SMYD3: variants seen among roughly 807,000 people sequenced by gnomAD.
SMYD3 encodes the protein histone-lysine N-methyltransferase SMYD3.
In SMYD3, 36 loss-of-function variants were observed where a neutral mutation model predicts 57.7. The observed-to-expected ratio is 0.62, with a 90% CI of 0.48 to 0.82. SMYD3 has a LOEUF of 0.82. SMYD3 is among the 40% of genes least tolerant of loss of function. The pLI is 0.00. For synonymous variants in SMYD3, 211 were observed against 195.0 expected (o/e 1.08, Z -0.68); for missense variants, 515 against 538.8 (o/e 0.96, Z 0.44).
chr1:245,792,036 CCT>C lies in SMYD3; in HGVS notation c.1077-27889_1077-27888del, dbSNP rs531621888. ...CTGTTCGATGAAATTTGATTTATGT[CCT>C]CTTTCTGGGCTTACTCTCAAATATA... On this transcript the variant is annotated intron_variant, in intron 10 of 11. Coordinates refer to ENST00000490107, the MANE Select transcript of SMYD3 (RefSeq NM_001167740.2). Among the ~76,000 whole-genome samples the C allele has an allele frequency of 2.5e-3, 381 of 151,060 alleles. 1 individual carries two copies. Among genetic ancestry groups the C allele is most frequent in the African/African-American group, 8.9e-3 (367 of 41,130 alleles).
chr1:246,265,952 T>G (rs557914477), intron 5 of SMYD3, among the ~76,000 whole-genome samples: 3 of 152,364 alleles, frequency 2.0e-5, no homozygotes, highest in South Asian at 4.1e-4. Flanking sequence ...TAATCTCTCA[T>G]GAATGTTTTT....
chr1:245,842,475 C>G (rs563856030), intron 10 of SMYD3, among the ~76,000 whole-genome samples: 3 of 152,124 alleles, frequency 2.0e-5, no homozygotes, highest in Non-Finnish European at 4.4e-5. Flanking sequence ...ATTATCCTGA[C>G]AGAACACACT....
chr1:246,132,584 A>G (rs1025037481), intron 5 of SMYD3, among the ~76,000 whole-genome samples: 1 of 152,132 alleles, frequency 6.6e-6, no homozygotes, highest in Non-Finnish European at 1.5e-5. Context: ...AGCAATGATT[A>G]CTCAGGTATG....
In SMYD3 at chr1:245,858,572, C is replaced by G; in HGVS notation, c.1000G>C (p.Ala334Pro). 6.2e-7 allele frequency: 1 copy of G among 1,614,186 alleles called. No homozygotes were observed. Among genetic ancestry groups the G allele is most frequent in the Non-Finnish European group, 8.5e-7 (1 of 1,180,032 alleles). The change falls in exon 10 of 12, where the codon GCC becomes CCC. Residue 334 changes from alanine (A) to proline (P), a missense_variant. Coordinates refer to ENST00000490107, the MANE Select transcript of SMYD3 (RefSeq NM_001167740.2). The stretch of plus-strand genomic sequence containing the variant: ...CCGAGGTTGATGCAGGCATCCATGG[C>G]GCAGTCGAGCACCTTCAGCTGGTAG... ...NIYQLKVLDCAMDACINLGLL... is the reference protein window; with the variant it reads ...NIYQLKVLDCPMDACINLGLL...
intron 1 of SMYD3, among the ~76,000 whole-genome samples, chr1:246,448,016 T>A (rs1452584458): frequency 1.3e-5 from 2 of 152,228 alleles, no homozygotes; most frequent in Non-Finnish European, 2.9e-5. Context: ...ACATTTTAAC[T>A]CATCCCTAAG....
At chr1:245,793,182 G>A (rs902549830) in intron 10 of SMYD3, among the ~76,000 whole-genome samples, 31 of 150,890 alleles carry the variant, frequency 2.1e-4, no homozygotes, top group Admixed American at 9.9e-4. Context: ...GGTGGCGGGT[G>A]CCTGTAGTCC....
intron 1 of SMYD3, among the ~76,000 whole-genome samples, chr1:246,419,836 G>A (rs1480874236): frequency 2.0e-5 from 3 of 152,172 alleles, no homozygotes; most frequent in Non-Finnish European, 4.4e-5. Flanking sequence ...TATATCCCTG[G>A]AAAAACTATC....
intron 5 of SMYD3, among the ~76,000 whole-genome samples, chr1:246,113,166 A>G (rs940026068): frequency 3.3e-5 from 5 of 151,508 alleles, no homozygotes; most frequent in African/African-American, 1.2e-4. Flanking sequence ...TGGGCAACAG[A>G]GTAAGACTCT....
At chr1:246,166,135 T>C (rs991949133) in intron 5 of SMYD3, among the ~76,000 whole-genome samples, 1 of 152,154 alleles carries the variant, frequency 6.6e-6, no homozygotes, top group African/African-American at 2.4e-5. Context: ...CTATCTGTTT[T>C]CTTGCAACTC....
chr1:246,237,474 A>G (rs79659100), intron 5 of SMYD3, among the ~76,000 whole-genome samples: 9,013 of 152,256 alleles, frequency 0.059, 436 homozygotes, highest in African/African-American at 0.12. Context: ...GGGAAAGCTA[A>G]AACTTCCCAG....
intron 8 of SMYD3, among the ~76,000 whole-genome samples, chr1:245,882,506 A>G (rs551155011): frequency 6.6e-6 from 1 of 152,290 alleles, no homozygotes; most frequent in African/African-American, 2.4e-5. Context: ...TCTATTTTCA[A>G]TCATGTGGGG....
chr1:246,507,000 C>CCCCCCCCCCCA, intron 1 of SMYD3, 54 bp downstream of exon 1: 1 of 1,139,164 alleles, frequency 8.8e-7, no homozygotes, highest in Non-Finnish European at 1.2e-6. Context: ...CCCCCCCCTC[C>CCCCCCCCCCCA]CCAGCACCCC....
rs576757157 is a variant in SMYD3, at chr1:246,462,158, G to A, written c.164+44896C>T. Among the ~76,000 whole-genome samples the A allele has an allele frequency of 6.2e-4, 94 of 152,108 alleles. No individual in the cohort carries two copies. The Middle Eastern group carries it at 0.01, about 17-fold the overall frequency. On this transcript the variant is annotated intron_variant, in intron 1 of 11. Coordinates refer to ENST00000490107, the MANE Select transcript of SMYD3 (RefSeq NM_001167740.2). ...GTGGAAAGCCTAGCATTGTGAGTAC[G>A]GGCATGGCAAGAAGAATTCGCCTGC...
intron 1 of SMYD3, among the ~76,000 whole-genome samples, chr1:246,383,369 A>G (rs1009442259): frequency 1.4e-4 from 22 of 152,168 alleles, no homozygotes; most frequent in African/African-American, 5.1e-4. Flanking sequence ...GGCCACAACT[A>G]CTGAAACACA....
intron 5 of SMYD3, among the ~76,000 whole-genome samples, chr1:246,124,747 G>C (rs996026554): frequency 6.6e-6 from 1 of 152,126 alleles, no homozygotes; most frequent in African/African-American, 2.4e-5. Flanking sequence ...AATATATCTT[G>C]GTTGAGAATG....
At chr1:246,160,191 C>T (rs1319023264) in intron 5 of SMYD3, among the ~76,000 whole-genome samples, 4 of 152,128 alleles carry the variant, frequency 2.6e-5, no homozygotes, top group South Asian at 2.1e-4. Flanking sequence ...AAATCCATTC[C>T]GGTTATTACC....
chr1:246,417,976 G>C (rs2067087913), intron 1 of SMYD3, among the ~76,000 whole-genome samples: 1 of 152,202 alleles, frequency 6.6e-6, no homozygotes, highest in Admixed American at 6.5e-5. Flanking sequence ...TCAGAAGCAA[G>C]ATAAAGTCAG....
At chr1:245,964,286 C>A (rs1163736222) in intron 5 of SMYD3, among the ~76,000 whole-genome samples, 2 of 152,200 alleles carry the variant, frequency 1.3e-5, no homozygotes, top group Non-Finnish European at 2.9e-5. Flanking sequence ...TCCCACCAGG[C>A]CCCACCTCCA....
At chr1:246,444,714 C>T (rs1476506737) in intron 1 of SMYD3, among the ~76,000 whole-genome samples, 3 of 152,110 alleles carry the variant, frequency 2.0e-5, no homozygotes, top group Non-Finnish European at 4.4e-5. Flanking sequence ...CCATGAATCC[C>T]GAAGTGTATA....
Sources: allele counts gnomAD v4.1 joint callset (sites outside exome capture counted in the v4.1 genomes callset), GRCh38; gene constraint gnomAD v4.1.1; transcripts MANE v1.5; gene names NCBI Gene and HGNC (gene_info 2026-07-23, HGNC 2026-07-21).